APPBP2: variants seen among roughly 807,000 people sequenced by gnomAD.
APPBP2 encodes the protein amyloid beta precursor protein binding protein 2.
Under a neutral mutation model 76.0 loss-of-function variants are expected in APPBP2, and 15 were observed. That is an observed-to-expected ratio of 0.20 (90% CI 0.13 to 0.30). The LOEUF (loss-of-function observed/expected upper bound fraction) is 0.30. Among genes scored for constraint, APPBP2 ranks in the 10% least tolerant of loss-of-function variants. The probability of loss-of-function intolerance (pLI) is 1.00; values close to 1 mark genes in which losing one functional copy is unlikely to be tolerated. For synonymous variants in APPBP2, 222 were observed against 242.2 expected, an observed-to-expected ratio of 0.92 and a Z score of 0.77; for missense variants, 401 against 687.2, an observed-to-expected ratio of 0.58 and a Z score of 4.66.
rs184403852 is a variant in APPBP2, at chr17:60,493,315, A to G, written c.379+1151T>C. On this transcript the variant is annotated intron_variant, in intron 3 of 12. Coordinates refer to ENST00000083182, the MANE Select transcript of APPBP2 (RefSeq NM_006380.5). ...GTGACACAGTGAAACCCTGTCTCAA[A>G]ATAAAATAATAAAACAAAATAAACA... Among the ~76,000 whole-genome samples the G allele has an allele frequency of 1.4e-3, 217 of 152,302 alleles. 1 individual carries two copies. The highest frequency in any genetic ancestry group is 5.1e-3 in the African/African-American group (210 of 41,562).
chr17:60,463,759 C>T (rs1378275261), intron 6 of APPBP2, among the ~76,000 whole-genome samples: 1 of 152,162 alleles, frequency 6.6e-6, no homozygotes, highest in Non-Finnish European at 1.5e-5. Context: ...CTACTTTGAG[C>T]TGTACTTTAG....
intron 1 of APPBP2, among the ~76,000 whole-genome samples, chr17:60,501,090 GT>G (rs2090819415): frequency 6.6e-6 from 1 of 152,164 alleles, no homozygotes; most frequent in African/African-American, 2.4e-5. Context: ...AAAGGAGGGA[GT>G]ATTGCTTGAG....
chr17:60,504,721 A>C (rs9914683), intron 1 of APPBP2, among the ~76,000 whole-genome samples: 1 of 152,058 alleles, frequency 6.6e-6, no homozygotes, highest in Non-Finnish European at 1.5e-5. Context: ...TAAGAATTGC[A>C]CAAAGTCAGG....
intron 4 of APPBP2, among the ~76,000 whole-genome samples, chr17:60,474,477 A>G (rs560581692): frequency 6.7e-4 from 102 of 152,120 alleles, no homozygotes; most frequent in Non-Finnish European, 2.9e-4. Flanking sequence ...GCCCAGCCTC[A>G]TAACTTATTT....
At position 60,466,430 on chromosome 17, in the gene APPBP2, T is replaced by C. The variant is rs769648899; in HGVS notation, c.533A>G (p.Lys178Arg). 18 of 1,613,128 alleles carry C rather than the reference T, an allele frequency of 1.1e-5. No homozygotes were observed. In the South Asian group the frequency reaches 1.3e-4, roughly 12 times the overall value. ...RLLHVRNGNC[K>R]YHLGEETFKL... ...AAATGTTTCTTCACCCAAATGATATTTGCAGTTTCCATTTCGCACATGAAG... is the reference window on the plus strand; with the variant it reads ...AAATGTTTCTTCACCCAAATGATATCTGCAGTTTCCATTTCGCACATGAAG... The change falls in exon 5 of 13, where the codon AAA (lysine) becomes AGA (arginine). Residue 178 changes from lysine (K) to arginine (R), a missense_variant. Coordinates refer to ENST00000083182, the MANE Select transcript of APPBP2 (RefSeq NM_006380.5).
At chr17:60,488,364 C>T (rs1457587256) in intron 3 of APPBP2, among the ~76,000 whole-genome samples, 1 of 152,172 alleles carries the variant, frequency 6.6e-6, no homozygotes, top group African/African-American at 2.4e-5. Context: ...GTCTCTATAA[C>T]ATGGATGGAT....
chr17:60,483,232 A>G (rs1393643716), intron 3 of APPBP2, among the ~76,000 whole-genome samples: 1 of 152,106 alleles, frequency 6.6e-6, no homozygotes, highest in Non-Finnish European at 1.5e-5. Context: ...TCTTCTTTTG[A>G]GAAGTGTCTG....
chr17:60,521,333 C>G (rs1255980664), intron 1 of APPBP2, among the ~76,000 whole-genome samples: 1 of 152,192 alleles, frequency 6.6e-6, no homozygotes, highest in Non-Finnish European at 1.5e-5. Flanking sequence ...TTATAGTCGT[C>G]TAAGTATACA....
chr17:60,520,092 A>AT (rs1458262993), intron 1 of APPBP2, among the ~76,000 whole-genome samples: 1 of 152,030 alleles, frequency 6.6e-6, no homozygotes, highest in Non-Finnish European at 1.5e-5. Context: ...CCATCAGTGT[A>AT]TTTTTTTAAA....
chr17:60,492,639 T>C (rs1225256895), intron 3 of APPBP2, among the ~76,000 whole-genome samples: 2 of 152,226 alleles, frequency 1.3e-5, no homozygotes, highest in South Asian at 2.1e-4. Context: ...ATGGGGCCTT[T>C]AGCTCCTTCA....
intron 5 of APPBP2, among the ~76,000 whole-genome samples, chr17:60,465,606 T>C (rs1278085111): frequency 2.0e-5 from 3 of 152,146 alleles, no homozygotes; most frequent in Non-Finnish European, 4.4e-5. Context: ...TGGTGGCTCA[T>C]GCCTGTAATC....
At chr17:60,494,652 A>G in intron 2 of APPBP2, 35 bp from the exon 3 acceptor site, 2 of 1,530,964 alleles carry the variant, frequency 1.3e-6, no homozygotes, top group Non-Finnish European at 1.7e-6. Flanking sequence ...TTATAGAGTT[A>G]ATTTATTTTT....
At chr17:60,495,845 C>T (rs945126093) in intron 2 of APPBP2, among the ~76,000 whole-genome samples, 25 of 152,114 alleles carry the variant, frequency 1.6e-4, no homozygotes, top group African/African-American at 6.0e-4. Context: ...ACATTCACAG[C>T]AGCATTATTC....
In APPBP2 at chr17:60,464,108, T is replaced by A. The variant is rs761786028; in HGVS notation, c.675A>T (p.Ala225=). The A allele has an allele frequency of 7.5e-6, 12 of 1,605,786 alleles. No homozygotes were observed. The African/African-American group carries it at 1.6e-4, about 22-fold the overall frequency. ...LLFAKSHYDE[A]YKWCIEAMKE... ...TCATTGCCTCGATGCACCATTTGTATGCCTAAAAAAATTATTTATAGAAGA... is the reference window on the plus strand; with the variant it reads ...TCATTGCCTCGATGCACCATTTGTAAGCCTAAAAAAATTATTTATAGAAGA... Residue 225 remains alanine (A), a splice_region_variant and synonymous_variant, in exon 6 of 13, where the codon GCA becomes GCT. Coordinates refer to ENST00000083182, the MANE Select transcript of APPBP2 (RefSeq NM_006380.5).
At chr17:60,472,229 T>C (rs1370007599) in intron 4 of APPBP2, among the ~76,000 whole-genome samples, 2 of 152,220 alleles carry the variant, frequency 1.3e-5, no homozygotes, top group Non-Finnish European at 2.9e-5. Flanking sequence ...CTGGAGGAGT[T>C]TGAGAAGAAC....
At chr17:60,498,271 A>C (rs2090792902) in intron 2 of APPBP2, among the ~76,000 whole-genome samples, 1 of 152,208 alleles carries the variant, frequency 6.6e-6, no homozygotes, top group Non-Finnish European at 1.5e-5. Flanking sequence ...TTAACTTTCC[A>C]AAGGGGATAG....
intron 1 of APPBP2, among the ~76,000 whole-genome samples, chr17:60,514,264 A>G (rs975160668): frequency 3.9e-5 from 6 of 152,154 alleles, no homozygotes; most frequent in African/African-American, 1.4e-4. Context: ...ACTGCATTCC[A>G]GCCTGGGTAA....
chr17:60,492,266 T>G (rs899080977), intron 3 of APPBP2, among the ~76,000 whole-genome samples: 1 of 152,150 alleles, frequency 6.6e-6, no homozygotes, highest in East Asian at 1.9e-4. Context: ...GGTGAGGTCC[T>G]CATGAAAAAC....
At chr17:60,481,546 C>G (rs1409826605) in intron 3 of APPBP2, among the ~76,000 whole-genome samples, 1 of 152,160 alleles carries the variant, frequency 6.6e-6, no homozygotes, top group Admixed American at 6.5e-5. Flanking sequence ...ATACAATGTA[C>G]TTAATTTTAT....
Sources: gnomAD v4.1 joint callset for allele counts (sites outside exome capture counted in the v4.1 genomes callset) on GRCh38, gnomAD v4.1.1 for gene constraint, MANE v1.5 for transcripts, NCBI Gene and HGNC (gene_info 2026-07-23, HGNC 2026-07-21) for gene names.